MID2: variants seen among roughly 807,000 people sequenced by gnomAD.
MID2 encodes the protein midline 2, also known as probable E3 ubiquitin-protein ligase MID2.
Under a neutral mutation model 46.1 loss-of-function variants are expected in MID2, and 13 were observed. The observed-to-expected ratio is 0.28, with a 90% confidence interval of 0.18 to 0.45. The LOEUF (loss-of-function observed/expected upper bound fraction) is 0.45. MID2 is among the 20% of genes least tolerant of loss of function. The pLI, the probability that MID2 is intolerant of heterozygous loss-of-function variation, is 1.00. For missense variants in MID2, 431 were observed against 575.4 expected, an observed-to-expected ratio of 0.75 and a Z score of 2.57; for synonymous variants, 199 against 212.3, an observed-to-expected ratio of 0.94 and a Z score of 0.55.
intron 3 of MID2, among the ~76,000 whole-genome samples, chrX:107,878,747 G>T (rs139130220): frequency 6.8e-3 from 767 of 112,245 alleles, no homozygotes; most frequent in Admixed American, 0.012. Flanking sequence ...ACCCAAAAGA[G>T]AAATGGCAGG....
intron 3 of MID2, among the ~76,000 whole-genome samples, chrX:107,893,549 A>T (rs1376012706): frequency 8.9e-6 from 1 of 112,585 alleles, no homozygotes; most frequent in Non-Finnish European, 1.9e-5. Flanking sequence ...AAACTTTTAA[A>T]AAGGAACGAT....
chrX:107,896,235 A>G (rs779152208), intron 3 of MID2: 1 of 109,399 alleles, frequency 9.1e-6, no homozygotes, highest in East Asian at 2.9e-4. Flanking sequence ...AGTCCCAGCT[A>G]CTCGGCGGGG....
At chrX:107,856,400 A>G (rs1931738570) in intron 3 of MID2, among the ~76,000 whole-genome samples, 1 of 112,437 alleles carries the variant, frequency 8.9e-6, no homozygotes, top group Non-Finnish European at 1.9e-5. Context: ...GCTAATAGTG[A>G]ATAAAATGTG....
At chrX:107,876,267 C>T (rs896455776) in intron 3 of MID2, among the ~76,000 whole-genome samples, 1 of 111,377 alleles carries the variant, frequency 9.0e-6, no homozygotes, top group Non-Finnish European at 1.9e-5. Context: ...TGGCCACTTT[C>T]AGGAGATTCA....
chrX:107,872,400 A>G (rs746678674), intron 3 of MID2, among the ~76,000 whole-genome samples: 1 of 112,703 alleles, frequency 8.9e-6, no homozygotes, highest in East Asian at 2.8e-4. Flanking sequence ...ATGGTATAGC[A>G]CAGAATGGAG....
At chrX:107,881,992 T>C (rs1012125683) in intron 3 of MID2, among the ~76,000 whole-genome samples, 1 of 112,300 alleles carries the variant, frequency 8.9e-6, no homozygotes, top group Admixed American at 9.5e-5. Flanking sequence ...AGCATGGTAC[T>C]GGTACCAAAG....
chrX:107,865,870 A>T (rs1931945264), intron 3 of MID2, among the ~76,000 whole-genome samples: 1 of 112,585 alleles, frequency 8.9e-6, no homozygotes, highest in African/African-American at 3.2e-5. Flanking sequence ...CCCTCATCCC[A>T]ATCTATATAT....
chrX:107,831,679 A>G (rs1370475886), intron 1 of MID2, among the ~76,000 whole-genome samples: 1 of 112,142 alleles, frequency 8.9e-6, no homozygotes, highest in African/African-American at 3.2e-5. Context: ...CATGTCTTAC[A>G]TACATATATT....
At chrX:107,846,605 C>T (rs1168711154) in intron 2 of MID2, among the ~76,000 whole-genome samples, 1 of 111,176 alleles carries the variant, frequency 9.0e-6, no homozygotes, top group African/African-American at 3.3e-5. Context: ...TCATCTCTAC[C>T]CAAACTGTGC....
chrX:107,894,414 T>G (rs981970576), intron 3 of MID2, among the ~76,000 whole-genome samples: 5 of 111,807 alleles, frequency 4.5e-5, no homozygotes, highest in African/African-American at 1.3e-4. Flanking sequence ...TGTGGTCTCC[T>G]AGAATCTCCT....
At chrX:107,914,918 G>T (rs1331951723) in intron 5 of MID2, among the ~76,000 whole-genome samples, 1 of 112,224 alleles carries the variant, frequency 8.9e-6, no homozygotes, top group Non-Finnish European at 1.9e-5. Context: ...AAGTTACTTA[G>T]CATTTTAATG....
intron 3 of MID2, among the ~76,000 whole-genome samples, chrX:107,882,235 C>A (rs192935112): frequency 8.9e-6 from 1 of 112,108 alleles, no homozygotes; most frequent in East Asian, 2.8e-4. Flanking sequence ...AATGTCAGAC[C>A]TAAAATCATA....
chrX:107,827,252 TCTTTA>T (rs1890355979), intron 1 of MID2, among the ~76,000 whole-genome samples: 1 of 111,665 alleles, frequency 9.0e-6, no homozygotes, highest in Non-Finnish European at 1.9e-5. Context: ...GTCGTTGTAC[TCTTTA>T]CTTTCTCTCT....
chrX:107,930,043 A>G lies in MID2; in HGVS notation c.*2970A>G, dbSNP rs1194739876. 8.9e-6 allele frequency among the ~76,000 whole-genome samples: 1 copy of G among 111,930 alleles called. No homozygotes were observed. The highest frequency in any genetic ancestry group is 3.2e-5 in the African/African-American group (1 of 30,792). ...TCCTCATGATTCTGATGCACCAAAA[A>G]TTTTAATGAATAATCATCTTCCCTA... On this transcript the variant is annotated 3_prime_UTR_variant, in exon 10 of 10. Coordinates refer to ENST00000262843, the MANE Select transcript of MID2 (RefSeq NM_012216.4).
chrX:107,836,520 G>A (rs1268210227), intron 1 of MID2, among the ~76,000 whole-genome samples: 2 of 110,633 alleles, frequency 1.8e-5, no homozygotes, highest in African/African-American at 6.6e-5. Flanking sequence ...CAAAGTGTTG[G>A]GATTATAGGC....
At chrX:107,909,646 C>A (rs906680062) in intron 5 of MID2, among the ~76,000 whole-genome samples, 1 of 111,723 alleles carries the variant, frequency 9.0e-6, no homozygotes, top group Non-Finnish European at 1.9e-5. Flanking sequence ...AACAAACGCT[C>A]CTGTAGTTTC....
At chrX:107,887,748 C>G (rs1320263116) in intron 3 of MID2, among the ~76,000 whole-genome samples, 1 of 111,310 alleles carries the variant, frequency 9.0e-6, no homozygotes, top group East Asian at 2.8e-4. Context: ...TGAATCCATC[C>G]GATCCTGGAC....
chrX:107,851,380 T>G (rs1569463356), intron 2 of MID2, among the ~76,000 whole-genome samples: 1 of 111,418 alleles, frequency 9.0e-6, no homozygotes, highest in Non-Finnish European at 1.9e-5. Flanking sequence ...CTTTTATCAA[T>G]CCTCATATTT....
intron 5 of MID2, among the ~76,000 whole-genome samples, chrX:107,906,818 T>C (rs1244843186): frequency 1.8e-5 from 2 of 112,327 alleles, no homozygotes; most frequent in East Asian, 5.6e-4. Context: ...ATTCCTGGCC[T>C]CAAGTAATAT....
Sources: allele counts gnomAD v4.1 joint callset (sites outside exome capture counted in the v4.1 genomes callset), GRCh38; gene constraint gnomAD v4.1.1; transcripts MANE v1.5; gene names NCBI Gene and HGNC (gene_info 2026-07-23, HGNC 2026-07-21).